Variants in STX3 observed in about 807,000 individuals in gnomAD.
The protein encoded by STX3 is syntaxin-3.
In STX3, 19 loss-of-function variants were observed where a neutral mutation model predicts 40.2. The observed-to-expected ratio is 0.47, with a 90% CI of 0.33 to 0.69. STX3 has a LOEUF of 0.69. Ranked by LOEUF, STX3 falls within the 30% of genes least tolerant of loss-of-function variation. The pLI is 0.02. For missense variants in STX3, 364 were observed against 366.7 expected (o/e 0.99, Z 0.06); for synonymous variants, 122 against 132.2 (o/e 0.92, Z 0.53).
intron 10 of STX3, among the ~76,000 whole-genome samples, chr11:59,798,908 G>A (rs1276855210): frequency 6.7e-6 from 1 of 149,274 alleles, no homozygotes; most frequent in Non-Finnish European, 1.5e-5. Context: ...TTTTGTTGTT[G>A]AGATTGTGTG....
At chr11:59,776,832 C>T (rs78560828) in intron 2 of STX3, among the ~76,000 whole-genome samples, 5,664 of 152,322 alleles carry the variant, frequency 0.037, 130 homozygotes, top group Non-Finnish European at 0.057. Flanking sequence ...CTGATCAAGC[C>T]AGAGCCTGGT....
At position 59,803,143 on chromosome 11, in the gene STX3, CACTTA is replaced by C. The variant is rs1865959114; in HGVS notation, c.*2320_*2324del. Reference sequence around the variant, plus strand: ...TCACACCCTCTTCCATGTCCACATGCACTTATCTCCCTGCAGAATACTTTTTGCGA... The same window carrying C: ...TCACACCCTCTTCCATGTCCACATGCTCTCCCTGCAGAATACTTTTTGCGA... On this transcript the variant is annotated 3_prime_UTR_variant, in exon 11 of 11. Coordinates refer to ENST00000337979, the MANE Select transcript of STX3 (RefSeq NM_004177.5). 1 of 1,230,876 alleles carries C rather than the reference CACTTA, an allele frequency of 8.1e-7. No homozygotes were observed. Among genetic ancestry groups the C allele is most frequent in the African/African-American group, 1.6e-5 (1 of 64,514 alleles). 76.2% of individuals were successfully genotyped at this position (1,230,876 alleles called of 1,614,324 possible).
At chr11:59,761,183 C>A (rs138785140) in intron 1 of STX3, among the ~76,000 whole-genome samples, 233 of 152,300 alleles carry the variant, frequency 1.5e-3, no homozygotes, top group African/African-American at 5.5e-3. Context: ...CCCAAGATGA[C>A]ATGGAAGGTT....
chr11:59,774,421 AGAGT>A (rs1863838849), intron 2 of STX3, among the ~76,000 whole-genome samples: 1 of 151,546 alleles, frequency 6.6e-6, no homozygotes. Flanking sequence ...CCTGGGCAAC[AGAGT>A]GAGACCTTGT....
intron 2 of STX3, chr11:59,781,725 G>T (rs1176294377): frequency 3.0e-5 from 48 of 1,586,904 alleles, no homozygotes; most frequent in Non-Finnish European, 4.1e-5. Context: ...GGCCATGGTG[G>T]GTGCGGGCGG....
At chr11:59,776,241 C>A (rs564305434) in intron 2 of STX3, among the ~76,000 whole-genome samples, 2 of 152,156 alleles carry the variant, frequency 1.3e-5, no homozygotes, top group Admixed American at 6.5e-5. Context: ...ACCAGTGGTA[C>A]AATTTTGGAA....
intron 1 of STX3, among the ~76,000 whole-genome samples, chr11:59,768,898 CAT>C (rs1237532604): frequency 6.6e-6 from 1 of 152,146 alleles, no homozygotes; most frequent in Non-Finnish European, 1.5e-5. Flanking sequence ...AGATGTGTTA[CAT>C]GTGTGTAACT....
chr11:59,802,382 A>G lies in STX3; in HGVS notation c.*1558A>G, dbSNP rs925793591. On this transcript the variant is annotated 3_prime_UTR_variant, in exon 11 of 11. Transcript: ENST00000337979. ...TTCCGCTTTGACTTTAACGCTTTCT[A>G]GGATAGGGTAAGCACCCTTAATTCA... The G allele has an allele frequency of 1.0e-6, 1 of 985,588 alleles. No homozygotes were observed. 61.1% of individuals were successfully genotyped at this position (985,588 alleles called of 1,614,324 possible).
intron 9 of STX3, among the ~76,000 whole-genome samples, chr11:59,795,965 C>T (rs1387138040): frequency 2.6e-5 from 4 of 152,144 alleles, no homozygotes; most frequent in Non-Finnish European, 4.4e-5. Flanking sequence ...GGATGCATGG[C>T]CCAGGTGGTG....
chr11:59,793,189 C>T lies in STX3; in HGVS notation c.540+17C>T, dbSNP rs2135019518. The stretch of plus-strand genomic sequence containing the variant: ...ACTTCTGGGGTGAGTGCCCTGTGTG[C>T]TCGGATAGCACATCCCTCTCGTGAG... On this transcript the variant is annotated intron_variant, in intron 7 of 10. Coordinates refer to ENST00000337979, the MANE Select transcript of STX3 (RefSeq NM_004177.5). The T allele has an allele frequency of 1.9e-6, 3 of 1,612,380 alleles. No individual in the cohort carries two copies. The highest frequency in any genetic ancestry group is 1.7e-6 in the Non-Finnish European group (2 of 1,179,622).
At position 59,788,924 on chromosome 11, in the gene STX3, A is replaced by G; in HGVS notation, c.266A>G (p.Asn89Ser). ...QLTTEIKKRA[N>S]NVRNKLKSME... ...ACGACTGAGATTAAGAAAAGGGCCAACAACGTCCGGAACAAACTGAAGAGT... is the reference window on the plus strand; with the variant it reads ...ACGACTGAGATTAAGAAAAGGGCCAGCAACGTCCGGAACAAACTGAAGAGT... The change falls in exon 4 of 11, where the codon AAC becomes AGC. Residue 89 changes from asparagine to serine, a missense_variant. Asn to Ser is a conservative substitution (Grantham distance 46). Coordinates refer to ENST00000337979, the MANE Select transcript of STX3 (RefSeq NM_004177.5). 1 of 1,611,382 alleles carries G rather than the reference A, an allele frequency of 6.2e-7. No individual in the cohort carries two copies. Among genetic ancestry groups the G allele is most frequent in the Non-Finnish European group, 8.5e-7 (1 of 1,178,738 alleles).
rs1864504883 is a variant in STX3 at position 59,783,009 on chromosome 11, A to AAAT, written c.115-4027_115-4026insATA. On this transcript the variant is annotated intron_variant, in intron 2 of 10. Transcript: ENST00000337979. ...GCAAGGCTTTGTCTCAAAAAAAAAA[A>AAAT]ATTAATAAACAATGTGCAATGAGAA... is the stretch of plus-strand genomic sequence containing the variant. 1.1e-4 allele frequency among the ~76,000 whole-genome samples: 16 copies of AAAT among 152,188 alleles called. No homozygotes were observed. The South Asian group carries it at 3.3e-3, about 32-fold the overall frequency.
At position 59,755,566 on chromosome 11, in the gene STX3, C is replaced by T. The variant is rs780706909; in HGVS notation, c.-40C>T. 1 of 1,591,408 alleles carries T rather than the reference C, an allele frequency of 6.3e-7. No homozygotes were observed. Among genetic ancestry groups the T allele is most frequent in the Non-Finnish European group, 8.5e-7 (1 of 1,175,910 alleles). ...AAGCGCTCACCTGGGACGCGCTCAC[C>T]TGGGACGCGCTACCTGCCTCCGGGC... On this transcript the variant is annotated 5_prime_UTR_variant, in exon 1 of 11. Transcript: ENST00000337979.
intron 1 of STX3, 87 bp downstream of exon 1, chr11:59,755,722 G>C (rs1409689834): frequency 2.1e-6 from 3 of 1,435,186 alleles, no homozygotes; most frequent in East Asian, 2.8e-5. Flanking sequence ...GAGGCTGGAG[G>C]GGGGCCCGAG....
chr11:59,778,262 G>C (rs1312794547), intron 2 of STX3, among the ~76,000 whole-genome samples: 2 of 152,128 alleles, frequency 1.3e-5, no homozygotes, highest in Non-Finnish European at 2.9e-5. Flanking sequence ...ATCACCCTGT[G>C]ACAGCGTTGC....
chr11:59,793,404 CA>C lies in STX3; in HGVS notation c.567del (p.Ala190ProfsTer13). 6.2e-7 allele frequency: 1 copy of C among 1,614,016 alleles called. No homozygotes were observed. Among genetic ancestry groups the C allele is most frequent in the Non-Finnish European group, 8.5e-7 (1 of 1,179,952 alleles). On this transcript the variant is annotated frameshift_variant, in exon 8 of 11. Transcript: ENST00000337979. LOFTEE classifies it high-confidence loss of function. ...GATCATTGACTCACAGATTTCCAAG[CA>C]AGCCCTCAGTGAGATTGAGGGACGA... ...SGIIDSQISK[Q>X]ALSEIEGRHK...
At chr11:59,787,618 T>A (rs1590808478) in intron 3 of STX3, among the ~76,000 whole-genome samples, 1 of 152,260 alleles carries the variant, frequency 6.6e-6, no homozygotes, top group Admixed American at 6.5e-5. Context: ...TAGGCAAACG[T>A]TTTTTCTCCC....
chr11:59,761,359 G>A (rs751505959), intron 1 of STX3, among the ~76,000 whole-genome samples: 59 of 152,104 alleles, frequency 3.9e-4, no homozygotes, highest in Non-Finnish European at 6.2e-4. Context: ...CTCGGACCCC[G>A]CAAACTTTAC....
Position 59,800,829 on chromosome 11 carries a change from C to G in STX3, c.*31-26C>G, listed in dbSNP as rs767065659. 7.2e-6 allele frequency: 11 copies of G among 1,536,446 alleles called. No individual in the cohort carries two copies. The South Asian group carries it at 1.3e-4, about 18-fold the overall frequency. Reference sequence around the variant, plus strand: ...CTTTGCCTTCTTCCTGTGTACTGATCAGCTCCTCCTTTCCCTGCCTCCTAG... The same window carrying G: ...CTTTGCCTTCTTCCTGTGTACTGATGAGCTCCTCCTTTCCCTGCCTCCTAG... On this transcript the variant is annotated intron_variant, in intron 10 of 10. Transcript: ENST00000337979.
Sources: allele counts gnomAD v4.1 joint callset (sites outside exome capture counted in the v4.1 genomes callset), GRCh38; gene constraint gnomAD v4.1.1; transcripts MANE v1.5; gene names NCBI Gene and HGNC (gene_info 2026-07-23, HGNC 2026-07-21).